SORCS2: variants seen among roughly 807,000 people sequenced by gnomAD.
SORCS2 encodes sortilin related VPS10 domain containing receptor 2.
In SORCS2, 100 loss-of-function variants were observed where a neutral mutation model predicts 141.6. That is an observed-to-expected ratio of 0.71 (90% confidence interval 0.60 to 0.83). The LOEUF is 0.83. Among genes scored for constraint, SORCS2 ranks in the 40% least tolerant of loss-of-function variants. SORCS2 has a pLI of 0.00. For missense variants in SORCS2, 1,646 were observed against 1,560.2 expected (o/e 1.05, Z -0.93); for synonymous variants, 789 against 676.9 (o/e 1.17, Z -2.57).
intron 1 of SORCS2, among the ~76,000 whole-genome samples, chr4:7,212,220 G>A (rs1728098478): frequency 1.3e-5 from 2 of 152,200 alleles, no homozygotes; most frequent in Non-Finnish European, 2.9e-5. Context: ...CGGAATTGTA[G>A]CCCACACGGC....
chr4:7,735,105 T>C (rs1359296007), intron 25 of SORCS2, among the ~76,000 whole-genome samples: 5 of 152,234 alleles, frequency 3.3e-5, no homozygotes, highest in African/African-American at 9.6e-5. Context: ...ATGAGCAAAG[T>C]GACCCGGCCC....
At chr4:7,622,127 C>T (rs755796393) in intron 3 of SORCS2, among the ~76,000 whole-genome samples, 8 of 152,128 alleles carry the variant, frequency 5.3e-5, no homozygotes, top group African/African-American at 1.7e-4. Flanking sequence ...AGGATCCCTG[C>T]GCTCCTCAGC....
In SORCS2 at chr4:7,269,327, G is replaced by A. The variant is rs73799443; in HGVS notation, c.480+76201G>A. 1.3e-3 allele frequency among the ~76,000 whole-genome samples: 200 copies of A among 152,280 alleles called. 1 individual carries two copies. The highest frequency in any genetic ancestry group is 4.5e-3 in the African/African-American group (186 of 41,526). ...GCTGCCGTTGTGCAGGGCCGCCAGGGCCCCCGGTTGCACCATGACATGCGG... is the reference window on the plus strand; with the variant it reads ...GCTGCCGTTGTGCAGGGCCGCCAGGACCCCCGGTTGCACCATGACATGCGG... On this transcript the variant is annotated intron_variant, in intron 1 of 26. Transcript: ENST00000507866.
intron 1 of SORCS2, among the ~76,000 whole-genome samples, chr4:7,362,532 A>T (rs1179000779): frequency 6.6e-6 from 1 of 152,192 alleles, no homozygotes; most frequent in South Asian, 2.1e-4. Flanking sequence ...CCATTGGACC[A>T]GTGCCCAGGC....
chr4:7,718,362 C>A (rs556614553), intron 18 of SORCS2, among the ~76,000 whole-genome samples, 179 bp downstream of exon 18: 1 of 152,002 alleles, frequency 6.6e-6, no homozygotes, highest in Non-Finnish European at 1.5e-5. Context: ...CTTCCCGAGT[C>A]GAGACCAGCA....
intron 1 of SORCS2, among the ~76,000 whole-genome samples, chr4:7,218,451 G>A (rs1477777848): frequency 6.6e-6 from 1 of 152,120 alleles, no homozygotes; most frequent in Non-Finnish European, 1.5e-5. Context: ...TTTTTCTTGG[G>A]TTTAACTTTT....
At chr4:7,332,329 G>A (rs114933812) in intron 1 of SORCS2, among the ~76,000 whole-genome samples, 44 of 152,316 alleles carry the variant, frequency 2.9e-4, no homozygotes, top group African/African-American at 1.0e-3. Flanking sequence ...GCTCCTCTGA[G>A]GCTGCTCTCC....
chr4:7,293,486 C>T (rs560301547), intron 1 of SORCS2, among the ~76,000 whole-genome samples: 3 of 152,224 alleles, frequency 2.0e-5, no homozygotes, highest in African/African-American at 7.2e-5. Context: ...TCCAATGATC[C>T]CTCTGCTGTT....
At chr4:7,421,611 C>A (rs1405641420) in intron 2 of SORCS2, among the ~76,000 whole-genome samples, 1 of 147,482 alleles carries the variant, frequency 6.8e-6, no homozygotes, top group East Asian at 1.9e-4. Context: ...GGTTCTTGCC[C>A]CCCATAACTC....
At chr4:7,434,619 G>A (rs1220302952) in intron 2 of SORCS2, 7 of 1,613,424 alleles carry the variant, frequency 4.3e-6, no homozygotes, top group South Asian at 1.1e-5. Context: ...CCAAAGCCAG[G>A]ATGTCAGACT....
chr4:7,608,078 A>G (rs912383095), intron 3 of SORCS2, among the ~76,000 whole-genome samples: 4 of 152,064 alleles, frequency 2.6e-5, no homozygotes, highest in African/African-American at 7.2e-5. Flanking sequence ...ACAGTGCCCA[A>G]TAGTCAGCAC....
intron 1 of SORCS2, among the ~76,000 whole-genome samples, chr4:7,390,510 G>T (rs1014276020): frequency 2.6e-5 from 4 of 152,206 alleles, no homozygotes; most frequent in Admixed American, 6.5e-5. Flanking sequence ...TGCAGGGCCA[G>T]GGTTCAGGCT....
chr4:7,383,408 G>A (rs1723108350), intron 1 of SORCS2, among the ~76,000 whole-genome samples: 1 of 152,134 alleles, frequency 6.6e-6, no homozygotes, highest in Non-Finnish European at 1.5e-5. Flanking sequence ...AAGAGGCAGC[G>A]CTTCCTTTGT....
intron 1 of SORCS2, among the ~76,000 whole-genome samples, chr4:7,348,814 A>G (rs1720781583): frequency 6.6e-6 from 1 of 152,144 alleles, no homozygotes; most frequent in Non-Finnish European, 1.5e-5. Flanking sequence ...CAGTCTCCCA[A>G]AGTGCAGGGA....
intron 3 of SORCS2, among the ~76,000 whole-genome samples, chr4:7,602,751 C>T (rs1269596007): frequency 7.9e-5 from 12 of 151,862 alleles, no homozygotes; most frequent in Non-Finnish European, 1.8e-4. Flanking sequence ...ACTTCCCAGA[C>T]GGGGTGGCGG....
intron 3 of SORCS2, among the ~76,000 whole-genome samples, chr4:7,607,275 A>G (rs1056664995): frequency 2.0e-5 from 3 of 152,166 alleles, no homozygotes; most frequent in Admixed American, 6.5e-5. Context: ...CAGCATTTCA[A>G]TACTTGGATC....
intron 16 of SORCS2, 43 bp downstream of exon 16, chr4:7,714,416 G>C (rs1377455365): frequency 6.5e-6 from 10 of 1,536,412 alleles, no homozygotes; most frequent in Admixed American, 2.0e-5. Flanking sequence ...GGCGCTGCTT[G>C]AGCATCCTCA....
At chr4:7,289,796 A>G (rs1716488621) in intron 1 of SORCS2, among the ~76,000 whole-genome samples, 1 of 152,208 alleles carries the variant, frequency 6.6e-6, no homozygotes. Context: ...GGCTATTTGC[A>G]CATCCCAAAT....
chr4:7,690,579 C>A (rs965698446), intron 11 of SORCS2, among the ~76,000 whole-genome samples: 1 of 143,086 alleles, frequency 7.0e-6, no homozygotes, highest in East Asian at 2.2e-4. Flanking sequence ...GGTGGATAGG[C>A]AGATGGATAG....
Sources: gnomAD v4.1 joint callset for allele counts (sites outside exome capture counted in the v4.1 genomes callset) on GRCh38, gnomAD v4.1.1 for gene constraint, MANE v1.5 for transcripts, NCBI Gene and HGNC (gene_info 2026-07-23, HGNC 2026-07-21) for gene names.